FRMPD4: variants seen among roughly 807,000 people sequenced by gnomAD.
The protein encoded by FRMPD4 is FERM and PDZ domain-containing protein 4.
FRMPD4 carries 22 observed loss-of-function variants against 94.1 expected under a neutral mutation model. That is an observed-to-expected ratio of 0.23 (90% CI 0.17 to 0.33). The LOEUF is 0.33. FRMPD4 is among the 10% of genes least tolerant of loss of function. The pLI is 1.00. For synonymous variants in FRMPD4, 631 were observed against 548.6 expected (o/e 1.15, Z -2.10); for missense variants, 1,111 against 1,339.9 (o/e 0.83, Z 2.67).
chrX:12,332,102 T>TTATATTTTA (rs2055429513), intron 1 of FRMPD4, among the ~76,000 whole-genome samples: 2 of 70,166 alleles, frequency 2.9e-5, no homozygotes, highest in Non-Finnish European at 4.6e-5. Context: ...TATATATAAT[T>TTATATTTTA]TATATTATAT....
At chrX:12,602,132 TC>T (rs1423012895) in intron 2 of FRMPD4, among the ~76,000 whole-genome samples, 2 of 111,752 alleles carry the variant, frequency 1.8e-5, no homozygotes, top group Admixed American at 9.5e-5. Context: ...TCATTTTGAC[TC>T]ACTGGAAACC....
intron 3 of FRMPD4, among the ~76,000 whole-genome samples, chrX:12,052,186 C>T (rs2054822356): frequency 9.0e-6 from 1 of 111,620 alleles, no homozygotes; most frequent in Non-Finnish European, 1.9e-5. Context: ...CAAGATTTTA[C>T]CAGGCTCCTT....
chrX:12,190,555 A>G (rs1260943713), intron 1 of FRMPD4, among the ~76,000 whole-genome samples: 3 of 110,750 alleles, frequency 2.7e-5, no homozygotes, highest in Non-Finnish European at 3.8e-5. Flanking sequence ...AGATCAGGGG[A>G]TCAAAATAGA....
intron 1 of FRMPD4, among the ~76,000 whole-genome samples, chrX:12,404,586 G>A (rs187007510): frequency 1.3e-4 from 15 of 111,906 alleles, no homozygotes; most frequent in African/African-American, 2.9e-4. Flanking sequence ...TTTCTCAGGC[G>A]TGATGTTGGG....
At chrX:12,165,953 G>C (rs780516631) in intron 1 of FRMPD4, among the ~76,000 whole-genome samples, 27 of 111,579 alleles carry the variant, frequency 2.4e-4, no homozygotes, top group African/African-American at 8.5e-4. Flanking sequence ...ATTTTGGGCT[G>C]AGACAATGGG....
intron 1 of FRMPD4, among the ~76,000 whole-genome samples, chrX:12,209,537 CAA>C (rs2056732403): frequency 8.9e-6 from 1 of 111,971 alleles, no homozygotes; most frequent in Non-Finnish European, 1.9e-5. Context: ...TTTTTCACTG[CAA>C]AGTGTTGGAC....
intron 1 of FRMPD4, among the ~76,000 whole-genome samples, chrX:12,386,506 G>A (rs1046210728): frequency 8.9e-6 from 1 of 112,058 alleles, no homozygotes; most frequent in Middle Eastern, 4.2e-3. Context: ...GAGTTTGTAC[G>A]TCATAGCTGA....
At chrX:12,318,887 G>GA (rs1187166908) in intron 1 of FRMPD4, among the ~76,000 whole-genome samples, 2 of 108,978 alleles carry the variant, frequency 1.8e-5, no homozygotes, top group Non-Finnish European at 3.8e-5. Flanking sequence ...AAATTAAAAA[G>GA]AAAAAATAAT....
intron 3 of FRMPD4, among the ~76,000 whole-genome samples, chrX:11,905,098 T>A (rs1601831646): frequency 8.9e-6 from 1 of 112,237 alleles, no homozygotes; most frequent in East Asian, 2.8e-4. Context: ...ATACTCCTTT[T>A]TCCAGCCCCT....
intron 4 of FRMPD4, among the ~76,000 whole-genome samples, chrX:12,671,975 T>C (rs991698074): frequency 1.8e-5 from 2 of 111,794 alleles, no homozygotes; most frequent in African/African-American, 6.5e-5. Flanking sequence ...TTGATTGTCA[T>C]GTAATAGTCA....
At chrX:12,203,363 C>T (rs1402304555) in intron 1 of FRMPD4, among the ~76,000 whole-genome samples, 5 of 111,858 alleles carry the variant, frequency 4.5e-5, no homozygotes, top group African/African-American at 1.6e-4. Flanking sequence ...ATCTTAGCAA[C>T]CTAGAACACT....
At chrX:12,167,576 C>T (rs2056142685) in intron 1 of FRMPD4, among the ~76,000 whole-genome samples, 1 of 111,276 alleles carries the variant, frequency 9.0e-6, no homozygotes, top group Non-Finnish European at 1.9e-5. Flanking sequence ...CAAGGGAATC[C>T]GTTTTCCTCA....
rs764617348 is a variant in FRMPD4 at position 12,474,607 on chromosome X, A to G, written c.42-24073A>G. On this transcript the variant is annotated intron_variant, in intron 1 of 16. Coordinates refer to ENST00000675598, the MANE Select transcript of FRMPD4 (RefSeq NM_001368397.1). ...AAAGAGAGAAGAATCAAATAGACGC[A>G]ATAAATAATGATAAAGGGGATATCA... Among the ~76,000 whole-genome samples, 14 of 112,122 alleles carry G rather than the reference A, an allele frequency of 1.2e-4. No homozygotes were observed. The East Asian group carries it at 3.9e-3, about 31-fold the overall frequency.
chrX:12,476,816 C>T (rs2057605746), intron 1 of FRMPD4, among the ~76,000 whole-genome samples: 1 of 111,580 alleles, frequency 9.0e-6, no homozygotes, highest in East Asian at 2.8e-4. Context: ...CAGGAAACAA[C>T]AGGTGCTGGA....
In FRMPD4 at chrX:12,618,728, A is replaced by G. The variant is rs151316533; in HGVS notation, c.422+3847A>G. Among the ~76,000 whole-genome samples, 528 of 111,295 alleles carry G rather than the reference A, an allele frequency of 4.7e-3. 3 individuals carry two copies. Among genetic ancestry groups the G allele is most frequent in the African/African-American group, 0.017 (509 of 30,597 alleles). Reference sequence around the variant, plus strand: ...TCCTTCAAGGCAGCAACATAAATCTACTAACTCCTGTTAGAATGGGTGCAC... The same window carrying G: ...TCCTTCAAGGCAGCAACATAAATCTGCTAACTCCTGTTAGAATGGGTGCAC... On this transcript the variant is annotated intron_variant, in intron 4 of 16. Transcript: ENST00000675598.
chrX:12,137,943 C>T (rs1352390257), upstream of FRMPD4, among the ~76,000 whole-genome samples: 1 of 112,124 alleles, frequency 8.9e-6, no homozygotes, highest in Non-Finnish European at 1.9e-5. Flanking sequence ...GAATTAGCCT[C>T]CGCATCACGG....
chrX:12,253,183 C>G (rs748622359), intron 1 of FRMPD4, among the ~76,000 whole-genome samples: 4 of 111,822 alleles, frequency 3.6e-5, no homozygotes, highest in Non-Finnish European at 7.5e-5. Context: ...ACTGCCAGTC[C>G]TTCTTAAAGG....
intron 1 of FRMPD4, among the ~76,000 whole-genome samples, chrX:12,477,091 G>A (rs887048513): frequency 8.9e-6 from 1 of 112,080 alleles, no homozygotes; most frequent in Non-Finnish European, 1.9e-5. Flanking sequence ...TTAAGAAAAT[G>A]TGACACATAT....
At chrX:11,957,202 A>G (rs2054261560) in intron 3 of FRMPD4, among the ~76,000 whole-genome samples, 1 of 111,880 alleles carries the variant, frequency 8.9e-6, no homozygotes, top group East Asian at 2.8e-4. Flanking sequence ...TGAACACGTA[A>G]AATATTTTAT....
Sources: gnomAD v4.1 joint callset for allele counts (sites outside exome capture counted in the v4.1 genomes callset) on GRCh38, gnomAD v4.1.1 for gene constraint, MANE v1.5 for transcripts, NCBI Gene and HGNC (gene_info 2026-07-23, HGNC 2026-07-21) for gene names.